Variants in GFOD1 observed in about 807,000 individuals in gnomAD.
The protein encoded by GFOD1 is Gfo/Idh/MocA-like oxidoreductase domain containing 1.
In GFOD1, 9 loss-of-function variants were observed where a neutral mutation model predicts 25.4. The ratio of observed to expected loss-of-function variants is 0.35; its 90% CI spans 0.21 to 0.62. The LOEUF (loss-of-function observed/expected upper bound fraction) is 0.62, where lower values mean the gene tolerates loss of function less well. GFOD1 is among the 20% of genes least tolerant of loss of function. The probability of loss-of-function intolerance (pLI) is 0.72; values close to 1 mark genes in which losing one functional copy is unlikely to be tolerated. For synonymous variants in GFOD1, 253 were observed against 245.6 expected (o/e 1.03, Z -0.28); for missense variants, 403 against 556.9 (o/e 0.72, Z 2.78).
At chr6:13,484,665 CAGA>C (rs1185302869) in intron 1 of GFOD1, among the ~76,000 whole-genome samples, 3 of 152,112 alleles carry the variant, frequency 2.0e-5, no homozygotes, top group East Asian at 1.9e-4. Flanking sequence ...AAAATAAGAA[CAGA>C]AGAAGTATCC....
chr6:13,447,641 T>C (rs1290577476), intron 1 of GFOD1, among the ~76,000 whole-genome samples: 1 of 140,314 alleles, frequency 7.1e-6, no homozygotes, highest in African/African-American at 2.7e-5. Context: ...CTTGGGAGGC[T>C]GAGGCAGGAG....
chr6:13,441,091 A>G (rs572875127), intron 1 of GFOD1, among the ~76,000 whole-genome samples: 8 of 152,360 alleles, frequency 5.3e-5, no homozygotes, highest in Middle Eastern at 3.4e-3. Flanking sequence ...ATTTGGTACA[A>G]TAAGCATTTA....
rs544325895 is a variant in GFOD1 at position 13,460,116 on chromosome 6, A to G, written c.253+26522T>C. Reference sequence around the variant, plus strand: ...GCCACTGCACTCCAGCTTGGGAGACAATGTGAGACTTCATCTCAAAAAATA... The same window carrying G: ...GCCACTGCACTCCAGCTTGGGAGACGATGTGAGACTTCATCTCAAAAAATA... On this transcript the variant is annotated intron_variant, in intron 1 of 1. Transcript: ENST00000379287. 3.3e-5 allele frequency among the ~76,000 whole-genome samples: 5 copies of G among 152,342 alleles called. No homozygotes were observed. The East Asian group carries it at 9.6e-4, about 29-fold the overall frequency.
At position 13,364,305 on chromosome 6, in the gene GFOD1, G is replaced by A; in HGVS notation, c.*438C>T. 1 of 175,910 alleles carries A rather than the reference G, an allele frequency of 5.7e-6. No homozygotes were observed. Among genetic ancestry groups the A allele is most frequent in the Non-Finnish European group, 1.2e-5 (1 of 82,132 alleles). The allele number at this position is 175,910 out of a possible 1,614,324, so 10.9% of individuals were successfully genotyped here. A position where few individuals can be genotyped will look rare whatever the true frequency, so the allele number is the denominator to read the frequency against. ...GGACTGTGAAAATGGGCCTTCTCCT[G>A]CCAGCAGTGGGTATCCCGGGCACTG... On this transcript the variant is annotated 3_prime_UTR_variant, in exon 2 of 2. Transcript: ENST00000379287. This position sits in a 1 kb window ranked among gnomAD's most constrained non-coding sequence, Gnocchi z 4.1.
At chr6:13,438,236 A>G (rs989705737) in intron 1 of GFOD1, among the ~76,000 whole-genome samples, 25 of 152,336 alleles carry the variant, frequency 1.6e-4, no homozygotes, top group African/African-American at 5.5e-4. Context: ...CCCAGTGCAC[A>G]GTTGTGATCT....
chr6:13,485,948 T>A (rs1758854983), intron 1 of GFOD1: 1 of 829,734 alleles, frequency 1.2e-6, no homozygotes, highest in Non-Finnish European at 1.5e-6. Context: ...TACTAACCTA[T>A]GACGCCTCTG....
intron 1 of GFOD1, among the ~76,000 whole-genome samples, chr6:13,379,671 C>T (rs563477557): frequency 1.3e-5 from 2 of 152,342 alleles, no homozygotes; most frequent in East Asian, 3.9e-4. Context: ...CCGTGAGGAA[C>T]TAAGGTCCTT....
At chr6:13,371,993 C>G (rs1036002812) in intron 1 of GFOD1, among the ~76,000 whole-genome samples, 1 of 152,222 alleles carries the variant, frequency 6.6e-6, no homozygotes, top group Non-Finnish European at 1.5e-5. Context: ...ACTCACTCCA[C>G]AAAGACCAGG....
At chr6:13,377,074 C>CA (rs1487410239) in intron 1 of GFOD1, among the ~76,000 whole-genome samples, 2 of 149,824 alleles carry the variant, frequency 1.3e-5, no homozygotes, top group Non-Finnish European at 3.0e-5. Flanking sequence ...GTTTTGGTCT[C>CA]AAAAAATGCA....
intron 1 of GFOD1, among the ~76,000 whole-genome samples, chr6:13,437,185 C>T (rs970465153): frequency 2.6e-5 from 4 of 152,188 alleles, no homozygotes; most frequent in African/African-American, 7.2e-5. Flanking sequence ...GCTCTCAAAG[C>T]TCTCCCAATA....
intron 1 of GFOD1, among the ~76,000 whole-genome samples, chr6:13,477,599 T>C (rs1758655670): frequency 6.6e-6 from 1 of 152,134 alleles, no homozygotes; most frequent in South Asian, 2.1e-4. Flanking sequence ...GTTTATCTAC[T>C]TTCCCATCAC....
chr6:13,370,256 T>C (rs552655), intron 1 of GFOD1, among the ~76,000 whole-genome samples: 64,847 of 152,052 alleles, frequency 0.43, 16,728 homozygotes, highest in East Asian at 0.67. Context: ...TTTATGATTC[T>C]TACTGAAAGC....
chr6:13,454,339 G>A (rs1302202713), intron 1 of GFOD1, among the ~76,000 whole-genome samples: 3 of 152,104 alleles, frequency 2.0e-5, no homozygotes, highest in East Asian at 1.9e-4. Context: ...GGCAACTCCC[G>A]GAAACTAATA....
rs542516554 is a variant in GFOD1 at position 13,364,570 on chromosome 6, G to C, written c.*173C>G. On this transcript the variant is annotated 3_prime_UTR_variant, in exon 2 of 2. Coordinates refer to ENST00000379287, the MANE Select transcript of GFOD1 (RefSeq NM_018988.4). This position sits in a 1 kb window ranked among gnomAD's most constrained non-coding sequence, Gnocchi z 4.1. ...AGGAGCTCAGCCCACCAACAGTCTG[G>C]TTTGGGGTCGGTCACCGGGATTGGA... is the stretch of plus-strand genomic sequence containing the variant. 2 of 616,452 alleles carry C rather than the reference G, an allele frequency of 3.2e-6. No individual in the cohort carries two copies. Among genetic ancestry groups the C allele is most frequent in the African/African-American group, 1.8e-5 (1 of 54,352 alleles). 38.2% of individuals were successfully genotyped at this position (616,452 alleles called of 1,614,324 possible).
At chr6:13,393,923 C>T (rs983656093) in intron 1 of GFOD1, among the ~76,000 whole-genome samples, 2 of 151,758 alleles carry the variant, frequency 1.3e-5, no homozygotes, top group East Asian at 1.9e-4. Context: ...GGACTACAGG[C>T]GCCCACCACC....
intron 1 of GFOD1, chr6:13,408,031 TG>T: frequency 8.1e-6 from 8 of 985,408 alleles, no homozygotes; most frequent in Non-Finnish European, 8.4e-6. Flanking sequence ...TATAATCTGG[TG>T]AAGGCATGTG....
intron 1 of GFOD1, among the ~76,000 whole-genome samples, chr6:13,410,668 T>C (rs1352330271): frequency 2.8e-5 from 4 of 144,926 alleles, no homozygotes; most frequent in Non-Finnish European, 6.0e-5. Context: ...GGAAGAAAGG[T>C]GGAAAGAAGG....
At chr6:13,448,234 G>A (rs1370227031) in intron 1 of GFOD1, among the ~76,000 whole-genome samples, 1 of 152,192 alleles carries the variant, frequency 6.6e-6, no homozygotes, top group Non-Finnish European at 1.5e-5. Flanking sequence ...ACCTGACTCT[G>A]GGGACAATCA....
chr6:13,412,832 G>A lies in GFOD1; in HGVS notation c.254-47170C>T, dbSNP rs553020443. 4.1e-4 allele frequency among the ~76,000 whole-genome samples: 62 copies of A among 152,346 alleles called. 2 individuals are homozygous for A. The highest frequency in any genetic ancestry group is 6.8e-3 in the Middle Eastern group (2 of 294). On this transcript the variant is annotated intron_variant, in intron 1 of 1. Transcript: ENST00000379287. ...TGTAATGACCAAGTGTAGTGACGGG[G>A]TGGAGAGGGCTCCTCTGAGCAAAGC...
Sources: gnomAD v4.1 joint callset for allele counts (sites outside exome capture counted in the v4.1 genomes callset) on GRCh38, gnomAD v4.1.1 for gene constraint, Gnocchi (gnomAD v3.1) non-coding constraint, MANE v1.5 for transcripts, NCBI Gene and HGNC (gene_info 2026-07-23, HGNC 2026-07-21) for gene names.